The following SH3GL3 variants were observed in gnomAD, a reference collection of about 807,000 sequenced individuals.
SH3GL3 encodes endophilin-A3.
SH3GL3 carries 33 observed loss-of-function variants against 47.7 expected under a neutral mutation model. That is an observed-to-expected ratio of 0.69 (90% confidence interval 0.52 to 0.92). The LOEUF is 0.92. Among genes scored for constraint, SH3GL3 ranks in the 40% least tolerant of loss-of-function variants. The probability of loss-of-function intolerance (pLI) is 0.00; values close to 1 mark genes in which losing one functional copy is unlikely to be tolerated. For synonymous variants in SH3GL3, 155 were observed against 148.8 expected (o/e 1.04, Z -0.30); for missense variants, 363 against 417.8 (o/e 0.87, Z 1.14).
chr15:83,504,500 G>C (rs1032510170), intron 1 of SH3GL3, among the ~76,000 whole-genome samples: 1 of 152,200 alleles, frequency 6.6e-6, no homozygotes, highest in African/African-American at 2.4e-5. Context: ...CTCCCATCTT[G>C]GGCTTGCTCA....
At chr15:83,546,265 G>C (rs1429524657) in intron 1 of SH3GL3, among the ~76,000 whole-genome samples, 1 of 151,310 alleles carries the variant, frequency 6.6e-6, no homozygotes, top group Non-Finnish European at 1.5e-5. Context: ...CCTCTTTTTT[G>C]CTCTCCTTTC....
chr15:83,507,800 A>G (rs867627195), intron 1 of SH3GL3, among the ~76,000 whole-genome samples: 1 of 152,198 alleles, frequency 6.6e-6, no homozygotes, highest in Non-Finnish European at 1.5e-5. Context: ...GAATATATCT[A>G]TGAGCAAAAT....
chr15:83,627,321 C>T, the SH3GL3 span, among the ~76,000 whole-genome samples: 6 of 148,658 alleles, frequency 4.0e-5, no homozygotes, highest in South Asian at 4.2e-4. Flanking sequence ...GGGTTGAACC[C>T]GGGAGGCAGA....
chr15:83,629,357 A>G, the SH3GL3 span, among the ~76,000 whole-genome samples: 1 of 152,252 alleles, frequency 6.6e-6, no homozygotes, highest in Non-Finnish European at 1.5e-5. Flanking sequence ...ATTATGTTAC[A>G]TAGTTCAGTG....
At chr15:83,601,775 C>A (rs185319968) in intron 8 of SH3GL3, among the ~76,000 whole-genome samples, 1 of 149,962 alleles carries the variant, frequency 6.7e-6, no homozygotes, top group Non-Finnish European at 1.5e-5. Context: ...GGATTGGTAC[C>A]GATTCTTCTT....
chr15:83,561,485 A>G (rs541758248), intron 2 of SH3GL3, among the ~76,000 whole-genome samples: 138 of 152,312 alleles, frequency 9.1e-4, no homozygotes, highest in Non-Finnish European at 1.7e-3. Flanking sequence ...GAGAAAATGA[A>G]TAAATCATGC....
chr15:83,602,918 T>C (rs963646899), intron 8 of SH3GL3, among the ~76,000 whole-genome samples: 1 of 152,190 alleles, frequency 6.6e-6, no homozygotes, highest in African/African-American at 2.4e-5. Context: ...TCTGTACTTA[T>C]TGCTGCTCAG....
intron 1 of SH3GL3, among the ~76,000 whole-genome samples, chr15:83,502,755 G>T (rs2042346416): frequency 6.6e-6 from 1 of 152,146 alleles, no homozygotes; most frequent in African/African-American, 2.4e-5. Context: ...TGTTGAGGGG[G>T]TTTCACTATG....
intron 1 of SH3GL3, among the ~76,000 whole-genome samples, chr15:83,462,496 T>C (rs1478676066): frequency 6.6e-6 from 1 of 152,244 alleles, no homozygotes; most frequent in Non-Finnish European, 1.5e-5. Context: ...CACTGTCTGC[T>C]TTAATTTAAC....
At chr15:83,589,566 AAGGTCTTACTTTGTTGCCC>A (rs995291874) in intron 8 of SH3GL3, among the ~76,000 whole-genome samples, 8 of 151,856 alleles carry the variant, frequency 5.3e-5, no homozygotes, top group African/African-American at 1.9e-4. Flanking sequence ...TTGTAGAGAC[AAGGTCTTACTTTGTTGCCC>A]AGGCTGGCCT....
At chr15:83,578,351 G>C (rs2059741228) in intron 6 of SH3GL3, among the ~76,000 whole-genome samples, 1 of 152,122 alleles carries the variant, frequency 6.6e-6, no homozygotes, top group African/African-American at 2.4e-5. Context: ...ATTAGTATGG[G>C]ACCTAATTGT....
At chr15:83,596,721 G>A (rs1181228620) in intron 8 of SH3GL3, among the ~76,000 whole-genome samples, 1 of 151,942 alleles carries the variant, frequency 6.6e-6, no homozygotes, top group African/African-American at 2.4e-5. Context: ...CTTCCACCTC[G>A]GCCTCCAAAG....
chr15:83,601,524 C>T (rs2060378747), intron 8 of SH3GL3, among the ~76,000 whole-genome samples: 1 of 152,148 alleles, frequency 6.6e-6, no homozygotes, highest in South Asian at 2.1e-4. Context: ...GTTAAACCAT[C>T]CCTGCATCCC....
chr15:83,610,980 A>AATATATATAT (rs10665431), intron 8 of SH3GL3, among the ~76,000 whole-genome samples: 2 of 147,014 alleles, frequency 1.4e-5, no homozygotes, highest in African/African-American at 5.0e-5. Context: ...TCAGCCAAAA[A>AATATATATAT]ATATATATAT....
the SH3GL3 span, among the ~76,000 whole-genome samples, chr15:83,633,686 G>T: frequency 6.6e-6 from 1 of 152,174 alleles, no homozygotes; most frequent in African/African-American, 2.4e-5. Flanking sequence ...TCCTCTGTAT[G>T]CCATTCATGC....
chr15:83,481,190 G>A (rs2041336685), intron 1 of SH3GL3, among the ~76,000 whole-genome samples: 1 of 151,098 alleles, frequency 6.6e-6, no homozygotes, highest in Non-Finnish European at 1.5e-5. Context: ...CAGGAGAATC[G>A]CTTGAACCCG....
At chr15:83,572,441 T>A (rs2059566730) in intron 4 of SH3GL3, 124 bp from the exon 5 acceptor site, 5 of 727,534 alleles carry the variant, frequency 6.9e-6, no homozygotes, top group Non-Finnish European at 9.1e-6. Context: ...GATTCAGAGG[T>A]CCCGGAGCAA....
intron 6 of SH3GL3, among the ~76,000 whole-genome samples, chr15:83,584,189 G>A (rs1334498628): frequency 2.6e-5 from 4 of 151,950 alleles, no homozygotes; most frequent in African/African-American, 4.8e-5. Flanking sequence ...CTCATTCTTC[G>A]CTTCCTCCCT....
chr15:83,572,442 C>T (rs2059566830), intron 4 of SH3GL3, 123 bp from the exon 5 acceptor site: 1 of 740,286 alleles, frequency 1.4e-6, no homozygotes, highest in Non-Finnish European at 2.2e-6. Context: ...ATTCAGAGGT[C>T]CCGGAGCAAG....
Sources: allele counts gnomAD v4.1 joint callset (sites outside exome capture counted in the v4.1 genomes callset), GRCh38; gene constraint gnomAD v4.1.1; transcripts MANE v1.5; gene names NCBI Gene and HGNC (gene_info 2026-07-23, HGNC 2026-07-21).